HERC3: variants seen among roughly 807,000 people sequenced by gnomAD.
HERC3 encodes the protein probable E3 ubiquitin-protein ligase HERC3.
Under a neutral mutation model 129.9 loss-of-function variants are expected in HERC3, and 58 were observed. The ratio of observed to expected loss-of-function variants is 0.45; its 90% CI spans 0.36 to 0.56. HERC3 has a LOEUF of 0.56. HERC3 is among the 20% of genes least tolerant of loss of function. The pLI is 0.00. For missense variants in HERC3, 835 were observed against 1,244.2 expected (o/e 0.67, Z 4.95); for synonymous variants, 430 against 451.0 (o/e 0.95, Z 0.59).
chr4:88,700,565 G>C (rs531992164), intron 23 of HERC3, among the ~76,000 whole-genome samples: 1 of 152,064 alleles, frequency 6.6e-6, no homozygotes, highest in Non-Finnish European at 1.5e-5. Flanking sequence ...ACTCTTTCAG[G>C]CTCTACCTAT....
chr4:88,571,254 G>A, the HERC3 span, among the ~76,000 whole-genome samples: 5,211 of 152,244 alleles, frequency 0.034, 290 homozygotes, highest in East Asian at 0.27. Flanking sequence ...GTTTAGAGAT[G>A]AGAAAAATGA....
At chr4:88,558,071 CAAAAAAAA>C in the HERC3 span, among the ~76,000 whole-genome samples, 5,732 of 39,088 alleles carry the variant, frequency 0.15, 403 homozygotes, top group African/African-American at 0.33. Flanking sequence ...GACTCTGACT[CAAAAAAAA>C]AAAAAAAAAA....
intron 23 of HERC3, chr4:88,697,824 GAT>G: frequency 6.7e-7 from 1 of 1,501,486 alleles, no homozygotes; most frequent in Admixed American, 2.3e-5. Context: ...GGTCCAGAGA[GAT>G]CTTGCGGATG....
chr4:88,690,654 T>C (rs750000165), intron 23 of HERC3: 176 of 978,714 alleles, frequency 1.8e-4, no homozygotes, highest in Non-Finnish European at 2.1e-4. Context: ...TAGTCTGCAA[T>C]TGAGGCAGTG....
chr4:88,649,807 G>C lies in HERC3; in HGVS notation c.227-33G>C, dbSNP rs576486991. ...GTAGCAGTATTCCTGTTTCTGGGTT[G>C]TACATTTTCCTCCTCCAATTTGTCT... On this transcript the variant is annotated intron_variant, in intron 3 of 25. Transcript: ENST00000402738. The C allele has an allele frequency of 1.9e-6, 3 of 1,602,144 alleles. No individual in the cohort carries two copies. In the African/African-American group the frequency reaches 4.0e-5, roughly 21 times the overall value.
At chr4:88,655,647 G>A (rs1342239183) in intron 8 of HERC3, among the ~76,000 whole-genome samples, 1 of 152,178 alleles carries the variant, frequency 6.6e-6, no homozygotes, top group East Asian at 1.9e-4. Flanking sequence ...GAGGCCACAT[G>A]CAGTAGATCA....
chr4:88,600,912 C>T (rs189845334), intron 2 of HERC3, among the ~76,000 whole-genome samples: 49 of 152,130 alleles, frequency 3.2e-4, no homozygotes, highest in Admixed American at 7.2e-4. Context: ...ATACTAAAAA[C>T]GAAAAAATCC....
rs1264062027 is a variant in HERC3 at position 88,592,495 on chromosome 4, C to T, written c.-167C>T. On this transcript the variant is annotated 5_prime_UTR_variant, in exon 1 of 26. Transcript: ENST00000402738. ...GGGAAACTTCCTTATTATTGTGACG[C>T]CGAAAACGGAGAAACCCCGGGTCCG... The T allele has an allele frequency of 6.6e-6, 1 of 152,330 alleles. No homozygotes were observed. The highest frequency in any genetic ancestry group is 6.5e-5 in the Admixed American group (1 of 15,292). 9.4% of individuals were successfully genotyped at this position (152,330 alleles called of 1,614,324 possible).
At chr4:88,567,650 C>A in the HERC3 span, among the ~76,000 whole-genome samples, 9 of 152,280 alleles carry the variant, frequency 5.9e-5, no homozygotes, top group Non-Finnish European at 8.8e-5. Flanking sequence ...AAAATTATTT[C>A]AATCTCTTTG....
Position 88,704,578 on chromosome 4 carries a change from A to G in HERC3, c.2912A>G (p.Glu971Gly). Residue 971 changes from glutamate (E) to glycine (G), a missense_variant, in exon 25 of 26, where the codon GAG becomes GGG. Glu to Gly is a moderately conservative substitution (Grantham distance 98). Coordinates refer to ENST00000402738, the MANE Select transcript of HERC3 (RefSeq NM_014606.3). The part of the protein sequence containing the change: ...TVKLFWETFH[E>G]FPLEKKKKFL... Reference sequence around the variant, plus strand: ...AAACTATTTTGGGAAACATTTCATGAGTTTCCATTGGAAAAGAAGAAGAAG... The same window carrying G: ...AAACTATTTTGGGAAACATTTCATGGGTTTCCATTGGAAAAGAAGAAGAAG... 1 of 1,606,554 alleles carries G rather than the reference A, an allele frequency of 6.2e-7. No individual in the cohort carries two copies.
intron 3 of HERC3, among the ~76,000 whole-genome samples, chr4:88,633,065 C>T (rs990622844): frequency 4.6e-5 from 7 of 152,108 alleles, no homozygotes; most frequent in Admixed American, 2.0e-4. Context: ...CCCTGGAGGC[C>T]TTAAGGAAGT....
intron 18 of HERC3, among the ~76,000 whole-genome samples, chr4:88,676,812 A>G (rs1453109548): frequency 6.6e-6 from 1 of 152,230 alleles, no homozygotes; most frequent in Admixed American, 6.5e-5. Context: ...GTGGTGAAAG[A>G]TTATTCTTCA....
At chr4:88,538,304 T>C in the HERC3 span, among the ~76,000 whole-genome samples, 2 of 152,202 alleles carry the variant, frequency 1.3e-5, no homozygotes, top group African/African-American at 2.4e-5. Flanking sequence ...GAGATGACAC[T>C]GTACACCATG....
intron 4 of HERC3, among the ~76,000 whole-genome samples, chr4:88,650,316 A>G (rs911908407): frequency 2.6e-5 from 4 of 152,348 alleles, no homozygotes; most frequent in Non-Finnish European, 5.9e-5. Flanking sequence ...TTAACCTTCA[A>G]CTGAAAATTG....
chr4:88,637,827 T>A (rs1037479672), intron 3 of HERC3, among the ~76,000 whole-genome samples: 3 of 151,760 alleles, frequency 2.0e-5, no homozygotes, highest in African/African-American at 4.8e-5. Context: ...TTTGAAAAAA[T>A]TAATAAAATA....
chr4:88,671,759 A>C (rs887529334), intron 16 of HERC3, among the ~76,000 whole-genome samples: 1 of 152,140 alleles, frequency 6.6e-6, no homozygotes, highest in Non-Finnish European at 1.5e-5. Context: ...CATGAGCTCA[A>C]GTGATTCACC....
In HERC3 at chr4:88,704,210, C is replaced by G; in HGVS notation, c.2770C>G (p.Leu924Val). ...GGTGTGTGGTGGCAAAGTACTTGAG[C>G]TCTTCCAGCCTTCAGAACTGAGGGC... ...LKVCGGKVLELFQPSELRAMM... is the reference protein window; with the variant it reads ...LKVCGGKVLEVFQPSELRAMM... The change falls in exon 24 of 26, where the codon CTC (leucine) becomes GTC (valine). Residue 924 changes from leucine to valine, a missense_variant. Transcript: ENST00000402738. 1 of 1,614,114 alleles carries G rather than the reference C, an allele frequency of 6.2e-7. No homozygotes were observed. The highest frequency in any genetic ancestry group is 8.5e-7 in the Non-Finnish European group (1 of 1,180,002).
chr4:88,552,363 C>T, the HERC3 span, among the ~76,000 whole-genome samples: 100 of 152,160 alleles, frequency 6.6e-4, 1 homozygote, highest in Non-Finnish European at 1.2e-3. Flanking sequence ...ATTTGTTTCC[C>T]ACACTCAGCC....
chr4:88,587,080 T>G, the HERC3 span, among the ~76,000 whole-genome samples: 9 of 152,228 alleles, frequency 5.9e-5, no homozygotes, highest in Non-Finnish European at 1.3e-4. Flanking sequence ...ATGGCAGATT[T>G]CACTGGGCTT....
Sources: gnomAD v4.1 joint callset for allele counts (sites outside exome capture counted in the v4.1 genomes callset) on GRCh38, gnomAD v4.1.1 for gene constraint, MANE v1.5 for transcripts, NCBI Gene and HGNC (gene_info 2026-07-23, HGNC 2026-07-21) for gene names.